Variants in LDAH observed in about 807,000 individuals in gnomAD.
LDAH encodes lipid droplet-associated hydrolase.
A neutral mutation model predicts 29.6 loss-of-function variants in LDAH; 26 were observed. That is an observed-to-expected ratio of 0.88 (90% CI 0.64 to 1.22). LDAH has a LOEUF of 1.22. Among genes scored for constraint, LDAH ranks in the 50% most tolerant of loss-of-function variants. The pLI, the probability that LDAH is intolerant of heterozygous loss-of-function variation, is 0.00. For missense variants in LDAH, 344 were observed against 387.3 expected, an observed-to-expected ratio of 0.89 and a Z score of 0.94; for synonymous variants, 117 against 133.0, an observed-to-expected ratio of 0.88 and a Z score of 0.83.
At chr2:20,725,601 G>C (rs1163889059) in intron 5 of LDAH, among the ~76,000 whole-genome samples, 1 of 152,202 alleles carries the variant, frequency 6.6e-6, no homozygotes, top group Non-Finnish European at 1.5e-5. Context: ...TAGACGCAAT[G>C]TAACTACCTA....
chr2:20,789,149 G>C (rs1380700523), intron 3 of LDAH: 2 of 1,550,368 alleles, frequency 1.3e-6, no homozygotes, highest in African/African-American at 2.7e-5. Context: ...GTGAAAACCA[G>C]CTGTAATGGT....
At chr2:20,813,002 G>A (rs1672603726) in intron 1 of LDAH, among the ~76,000 whole-genome samples, 1 of 152,172 alleles carries the variant, frequency 6.6e-6, no homozygotes, top group Non-Finnish European at 1.5e-5. Context: ...AAGTCACACA[G>A]CTAGTAAGTT....
At chr2:20,733,449 G>T (rs1042565609) in intron 5 of LDAH, among the ~76,000 whole-genome samples, 2 of 149,532 alleles carry the variant, frequency 1.3e-5, no homozygotes, top group Admixed American at 6.7e-5. Flanking sequence ...TCCCAGGCTG[G>T]AGTGCAGTGT....
At chr2:20,816,651 T>A (rs1672869409) in intron 1 of LDAH, among the ~76,000 whole-genome samples, 2 of 151,940 alleles carry the variant, frequency 1.3e-5, no homozygotes, top group South Asian at 4.2e-4. Context: ...ATAGTTGGGA[T>A]CTTCAGCAAC....
chr2:20,784,355 C>T lies in LDAH; in HGVS notation c.298+5900G>A, dbSNP rs529975477. ...CTGGGAGTTTCAGGCTACAGTTAGT[C>T]TCGTTGGCACCACTGCACTCCAGCC... On this transcript the variant is annotated intron_variant, in intron 3 of 6. Transcript: ENST00000237822. Among the ~76,000 whole-genome samples the T allele has an allele frequency of 2.6e-5, 4 of 152,106 alleles. No homozygotes were observed. In the South Asian group the frequency reaches 8.3e-4, roughly 32 times the overall value.
intron 1 of LDAH, among the ~76,000 whole-genome samples, chr2:20,813,887 G>A (rs1402498514): frequency 6.6e-6 from 1 of 151,994 alleles, no homozygotes; most frequent in Non-Finnish European, 1.5e-5. Flanking sequence ...CATATCATTT[G>A]TCTAGGTTCC....
At position 20,743,370 on chromosome 2, in the gene LDAH, T is replaced by C. The variant is rs186582245; in HGVS notation, c.469-3165A>G. Among the ~76,000 whole-genome samples, 403 of 146,784 alleles carry C rather than the reference T, an allele frequency of 2.7e-3. 2 individuals are homozygous for C. Among genetic ancestry groups the C allele is most frequent in the Non-Finnish European group, 4.4e-3 (296 of 67,940 alleles). On this transcript the variant is annotated intron_variant, in intron 4 of 6. Coordinates refer to ENST00000237822, the MANE Select transcript of LDAH (RefSeq NM_021925.4). ...AGGGTACATGTGCACATTGTGCAGGTTAGTTACATATGTATACATGTGCCA... is the reference window on the plus strand; with the variant it reads ...AGGGTACATGTGCACATTGTGCAGGCTAGTTACATATGTATACATGTGCCA...
chr2:20,744,681 C>T (rs997284216), intron 4 of LDAH, among the ~76,000 whole-genome samples: 1 of 152,146 alleles, frequency 6.6e-6, no homozygotes, highest in Admixed American at 6.5e-5. Flanking sequence ...ATTTCACCTT[C>T]CCCCTGCCAG....
chr2:20,682,536 A>G (rs1662350634), downstream of LDAH, among the ~76,000 whole-genome samples: 1 of 152,254 alleles, frequency 6.6e-6, no homozygotes, highest in Admixed American at 6.5e-5. Flanking sequence ...GAGGCTGGAA[A>G]GTCCAAGATT....
intron 4 of LDAH, among the ~76,000 whole-genome samples, chr2:20,755,129 T>TTG (rs70939051): frequency 0.22 from 26,487 of 118,000 alleles, 2,518 homozygotes; most frequent in Admixed American, 0.28. Flanking sequence ...GTGTCTGTGT[T>TTG]TGTGTGTGTG....
At chr2:20,749,538 T>C (rs750997924) in intron 4 of LDAH, among the ~76,000 whole-genome samples, 22 of 152,160 alleles carry the variant, frequency 1.4e-4, no homozygotes, top group Non-Finnish European at 2.1e-4. Flanking sequence ...GAGGCATGTA[T>C]AGGGCACACA....
At chr2:20,723,293 G>C (rs1482847104) in intron 5 of LDAH, among the ~76,000 whole-genome samples, 1 of 152,134 alleles carries the variant, frequency 6.6e-6, no homozygotes, top group Non-Finnish European at 1.5e-5. Flanking sequence ...GTTAGTAGTA[G>C]TTACATTTGG....
At chr2:20,780,102 A>G (rs1670088303) in intron 3 of LDAH, among the ~76,000 whole-genome samples, 1 of 152,214 alleles carries the variant, frequency 6.6e-6, no homozygotes, top group Non-Finnish European at 1.5e-5. Flanking sequence ...AGCTCCCTGT[A>G]TCTAAACACT....
chr2:20,784,926 A>T (rs1226540876), intron 3 of LDAH, among the ~76,000 whole-genome samples: 1 of 152,058 alleles, frequency 6.6e-6, no homozygotes, highest in Non-Finnish European at 1.5e-5. Context: ...AGTTCATCTG[A>T]AGTAACACTA....
At chr2:20,805,760 A>C (rs1331923653) in intron 1 of LDAH, among the ~76,000 whole-genome samples, 1 of 152,078 alleles carries the variant, frequency 6.6e-6, no homozygotes, top group Admixed American at 6.5e-5. Context: ...AACCTAGATA[A>C]TTTGACTAGT....
chr2:20,816,678 C>T (rs374513230), intron 1 of LDAH, among the ~76,000 whole-genome samples: 5 of 151,768 alleles, frequency 3.3e-5, no homozygotes, highest in African/African-American at 1.2e-4. Flanking sequence ...AACTATTAGA[C>T]GATCAAGAAG....
At chr2:20,745,015 TG>T (rs1667471669) in intron 4 of LDAH, among the ~76,000 whole-genome samples, 1 of 152,170 alleles carries the variant, frequency 6.6e-6, no homozygotes. Context: ...CGATAAGAAT[TG>T]ATTTCTCAGT....
chr2:20,789,631 T>C (rs957914167), intron 3 of LDAH, among the ~76,000 whole-genome samples: 1 of 152,112 alleles, frequency 6.6e-6, no homozygotes, highest in African/African-American at 2.4e-5. Flanking sequence ...AAAGCTTCTT[T>C]AAAGTAAAGA....
At chr2:20,692,215 A>T (rs1393406098) in intron 6 of LDAH, among the ~76,000 whole-genome samples, 2 of 152,154 alleles carry the variant, frequency 1.3e-5, no homozygotes. Flanking sequence ...ACCTATATAA[A>T]CTGGCTCTTA....
Sources: allele counts gnomAD v4.1 joint callset (sites outside exome capture counted in the v4.1 genomes callset), GRCh38; gene constraint gnomAD v4.1.1; transcripts MANE v1.5; gene names NCBI Gene and HGNC (gene_info 2026-07-23, HGNC 2026-07-21).